CHLSN: variants seen among roughly 807,000 people sequenced by gnomAD.
CHLSN encodes the protein cholesin, also known as protein cholesin.
the CHLSN span, among the ~76,000 whole-genome samples, chr7:1,085,208 C>T: frequency 6.6e-6 from 1 of 152,354 alleles, no homozygotes; most frequent in East Asian, 1.9e-4. Flanking sequence ...AAGCAATGAT[C>T]AGATGAAATT....
At chr7:1,118,971 T>C in the CHLSN span, among the ~76,000 whole-genome samples, 1 of 151,248 alleles carries the variant, frequency 6.6e-6, no homozygotes, top group Non-Finnish European at 1.5e-5. Context: ...TAGGCTATTG[T>C]GGGCTGGGCG....
the CHLSN span, among the ~76,000 whole-genome samples, chr7:1,136,051 TATATAAATA>T: frequency 1.7e-5 from 2 of 115,710 alleles, no homozygotes; most frequent in Admixed American, 1.0e-4. Flanking sequence ...TATATAAGTA[TATATAAATA>T]TATATAAATA....
the CHLSN span, among the ~76,000 whole-genome samples, chr7:1,125,498 A>C: frequency 6.6e-6 from 1 of 152,258 alleles, no homozygotes; most frequent in Non-Finnish European, 1.5e-5. Context: ...GGGCCCCTGC[A>C]CAACTCAGGG....
the CHLSN span, among the ~76,000 whole-genome samples, chr7:1,072,510 A>C: frequency 1.8e-4 from 28 of 152,310 alleles, no homozygotes; most frequent in East Asian, 5.0e-3. Context: ...CACATTTCAT[A>C]ATTAGATATG....
the CHLSN span, among the ~76,000 whole-genome samples, chr7:1,035,716 G>T: frequency 6.6e-6 from 1 of 152,320 alleles, no homozygotes; most frequent in Admixed American, 6.5e-5. Flanking sequence ...ACAGTCACTT[G>T]GAAGTCAGCT....
the CHLSN span, among the ~76,000 whole-genome samples, chr7:1,011,774 C>A: frequency 6.6e-6 from 1 of 152,086 alleles, no homozygotes; most frequent in Non-Finnish European, 1.5e-5. Flanking sequence ...CCCACAGCCA[C>A]ACCCCTAGAG....
chr7:985,966 A>G, the CHLSN span, among the ~76,000 whole-genome samples: 1 of 152,068 alleles, frequency 6.6e-6, no homozygotes, highest in Admixed American at 6.5e-5. Context: ...CACCCGTCCT[A>G]GCCAGGGTGA....
the CHLSN span, chr7:1,022,905 G>A: frequency 2.4e-5 from 10 of 416,440 alleles, no homozygotes; most frequent in Admixed American, 8.3e-5. Context: ...CGACGTCTCC[G>A]CGGCGAGCTG....
chr7:1,092,938 A>T, the CHLSN span: 1 of 1,322,164 alleles, frequency 7.6e-7, no homozygotes, highest in South Asian at 1.2e-5. Flanking sequence ...CGGCCACGTC[A>T]TGTCTCTAAA....
the CHLSN span, among the ~76,000 whole-genome samples, chr7:1,014,929 G>C: frequency 6.6e-6 from 1 of 152,218 alleles, no homozygotes; most frequent in Non-Finnish European, 1.5e-5. Context: ...CTGCAGGGAC[G>C]GTGCAGTGAG....
chr7:1,055,215 G>T, the CHLSN span: 1 of 470,618 alleles, frequency 2.1e-6, no homozygotes, highest in Non-Finnish European at 4.4e-6. Flanking sequence ...GCTGTAAACA[G>T]CAGGAGGGAG....
At chr7:1,075,438 C>G in the CHLSN span, among the ~76,000 whole-genome samples, 1 of 151,380 alleles carries the variant, frequency 6.6e-6, no homozygotes. Flanking sequence ...GCAGGAGAAT[C>G]GCTTGAACTG....
At chr7:1,091,091 T>C in the CHLSN span, among the ~76,000 whole-genome samples, 825 of 152,262 alleles carry the variant, frequency 5.4e-3, 7 homozygotes, top group African/African-American at 0.019. Context: ...GCCCATACCT[T>C]CATTGCTTCC....
chr7:1,021,406 G>T, the CHLSN span: 128 of 985,358 alleles, frequency 1.3e-4, no homozygotes, highest in Non-Finnish European at 1.3e-4. Flanking sequence ...AACCAGAGTC[G>T]GAAGCTGAAG....
the CHLSN span, among the ~76,000 whole-genome samples, chr7:1,126,029 G>A: frequency 6.6e-6 from 1 of 152,116 alleles, no homozygotes; most frequent in Non-Finnish European, 1.5e-5. Flanking sequence ...TTTTGTGGAA[G>A]ATAAACATGA....
the CHLSN span, among the ~76,000 whole-genome samples, chr7:987,977 TGGGGGGGTCCCCTCTGTGTGTCC>T: frequency 1.7e-5 from 1 of 59,132 alleles, no homozygotes; most frequent in African/African-American, 1.7e-4. Flanking sequence ...CTGTGTGTCC[TGGGGGGGTCCCCTCTGTGTGTCC>T]TGGGGGGTCC....
the CHLSN span, among the ~76,000 whole-genome samples, chr7:1,085,045 C>T: frequency 2.0e-5 from 3 of 152,228 alleles, no homozygotes; most frequent in Non-Finnish European, 4.4e-5. Flanking sequence ...GGGCTTTGCA[C>T]GCGAGGACTG....
the CHLSN span, among the ~76,000 whole-genome samples, chr7:1,006,613 G>A: frequency 0.085 from 2,735 of 32,222 alleles, 151 homozygotes; most frequent in Admixed American, 0.087. Context: ...GCCACAGCGC[G>A]GGGAAAGAGC....
chr7:1,074,483 A>G, the CHLSN span: 4 of 152,034 alleles, frequency 2.6e-5, no homozygotes, highest in Non-Finnish European at 5.9e-5. Flanking sequence ...GACTGCATCA[A>G]CTACAACCAG....
Sources: gnomAD v4.1 joint callset for allele counts (sites outside exome capture counted in the v4.1 genomes callset) on GRCh38, gnomAD v4.1.1 for gene constraint, MANE v1.5 for transcripts, NCBI Gene and HGNC (gene_info 2026-07-23, HGNC 2026-07-21) for gene names.